The following RGS8 variants were observed in gnomAD, a reference collection of about 807,000 sequenced individuals.
The protein encoded by RGS8 is regulator of G-protein signaling 8.
RGS8 carries 8 observed loss-of-function variants against 21.7 expected under a neutral mutation model. The ratio of observed to expected loss-of-function variants is 0.37; its 90% CI spans 0.22 to 0.66. The LOEUF is 0.66. Among genes scored for constraint, RGS8 ranks in the 30% least tolerant of loss-of-function variants. RGS8 has a pLI of 0.59. For missense variants in RGS8, 157 were observed against 217.9 expected, an observed-to-expected ratio of 0.72 and a Z score of 1.76; for synonymous variants, 80 against 83.6, an observed-to-expected ratio of 0.96 and a Z score of 0.24.
the RGS8 span, among the ~76,000 whole-genome samples, chr1:182,693,357 C>T: frequency 1.3e-5 from 2 of 152,150 alleles, no homozygotes; most frequent in African/African-American, 4.8e-5. Flanking sequence ...GGCTGACAAG[C>T]ATATGAGAAA....
At chr1:182,743,855 T>C in the RGS8 span, among the ~76,000 whole-genome samples, 1 of 152,162 alleles carries the variant, frequency 6.6e-6, no homozygotes, top group East Asian at 1.9e-4. Flanking sequence ...TACATACACA[T>C]ACCCACACAC....
At chr1:182,680,229 C>T (rs1664496121) in intron 1 of RGS8, among the ~76,000 whole-genome samples, 1 of 152,166 alleles carries the variant, frequency 6.6e-6, no homozygotes, top group African/African-American at 2.4e-5. Flanking sequence ...GGATAAAGTT[C>T]CAGCTTAAGA....
At chr1:182,717,239 C>T in the RGS8 span, among the ~76,000 whole-genome samples, 1 of 152,328 alleles carries the variant, frequency 6.6e-6, no homozygotes, top group South Asian at 2.1e-4. Flanking sequence ...ACACTACTTC[C>T]TGTTATAAGA....
At chr1:182,682,192 T>A (rs1193836751) in intron 1 of RGS8, among the ~76,000 whole-genome samples, 1 of 152,214 alleles carries the variant, frequency 6.6e-6, no homozygotes, top group African/African-American at 2.4e-5. Flanking sequence ...AGTCACAAGC[T>A]GGGTTGTGCT....
At chr1:182,661,044 G>GT (rs1215893234) in intron 5 of RGS8, among the ~76,000 whole-genome samples, 111 of 151,792 alleles carry the variant, frequency 7.3e-4, no homozygotes, top group African/African-American at 2.6e-3. Flanking sequence ...TAGATGAATA[G>GT]TTTAAGAAAT....
At chr1:182,740,544 GTTTGTTT>G in the RGS8 span, among the ~76,000 whole-genome samples, 179 of 103,284 alleles carry the variant, frequency 1.7e-3, no homozygotes, top group African/African-American at 4.5e-3. Context: ...TTTTTTGTTT[GTTTGTTT>G]TTTTTTTTTT....
chr1:182,723,923 C>A, the RGS8 span, among the ~76,000 whole-genome samples: 1 of 151,828 alleles, frequency 6.6e-6, no homozygotes, highest in African/African-American at 2.4e-5. Flanking sequence ...AATCGGGCAG[C>A]CCCCAAAACG....
At chr1:182,680,692 T>G (rs912639806) in intron 1 of RGS8, among the ~76,000 whole-genome samples, 1 of 152,218 alleles carries the variant, frequency 6.6e-6, no homozygotes, top group Admixed American at 6.5e-5. Context: ...GTCCCAGGCA[T>G]GGGTACATTA....
At chr1:182,651,758 T>C (rs375039217) in intron 5 of RGS8, among the ~76,000 whole-genome samples, 10 of 152,290 alleles carry the variant, frequency 6.6e-5, no homozygotes, top group Admixed American at 5.2e-4. Context: ...AGATCCCCAC[T>C]GCTTGTAGGA....
downstream of RGS8, chr1:182,645,388 C>G (rs1420725349): frequency 6.6e-6 from 1 of 152,264 alleles, no homozygotes; most frequent in Non-Finnish European, 1.5e-5. Context: ...GCTAAAGGTT[C>G]ATCTCCTGGG....
chr1:182,643,536 ACT>A (rs1415159764), downstream of RGS8: 2 of 151,826 alleles, frequency 1.3e-5, no homozygotes, highest in South Asian at 2.1e-4. Context: ...AGGTCGTGAG[ACT>A]CTGTCTAAGA....
chr1:182,721,541 G>C, the RGS8 span, among the ~76,000 whole-genome samples: 1 of 152,198 alleles, frequency 6.6e-6, no homozygotes, highest in African/African-American at 2.4e-5. Flanking sequence ...CCTAAGAAAA[G>C]AGAGTGCTGC....
the RGS8 span, among the ~76,000 whole-genome samples, chr1:182,746,007 G>A: frequency 1.3e-5 from 2 of 152,114 alleles, no homozygotes; most frequent in Non-Finnish European, 2.9e-5. Flanking sequence ...TTTAGTCCAA[G>A]TTCTGCCCTC....
the RGS8 span, among the ~76,000 whole-genome samples, chr1:182,746,437 C>A: frequency 1.3e-5 from 2 of 152,218 alleles, no homozygotes; most frequent in African/African-American, 4.8e-5. Flanking sequence ...GAGGCCAAGG[C>A]AGACAGATCA....
intron 4 of RGS8, 104 bp from the exon 6 acceptor site, chr1:182,666,137 A>C: frequency 1.1e-6 from 1 of 932,154 alleles, no homozygotes; most frequent in Non-Finnish European, 1.7e-6. Context: ...AAATGTGGGG[A>C]AGGGTGCAGG....
At chr1:182,700,696 C>T in the RGS8 span, among the ~76,000 whole-genome samples, 1 of 152,204 alleles carries the variant, frequency 6.6e-6, no homozygotes, top group African/African-American at 2.4e-5. Flanking sequence ...CAAAACCGAA[C>T]AGCATTTAAA....
the RGS8 span, among the ~76,000 whole-genome samples, chr1:182,720,831 A>G: frequency 1.3e-4 from 19 of 150,728 alleles, no homozygotes; most frequent in Non-Finnish European, 2.4e-4. Context: ...GTATAATTAT[A>G]CATATATATC....
At chr1:182,739,364 G>C in the RGS8 span, among the ~76,000 whole-genome samples, 2 of 152,100 alleles carry the variant, frequency 1.3e-5, no homozygotes, top group Non-Finnish European at 2.9e-5. Context: ...CTGTCATCTG[G>C]GGAAACACTG....
At chr1:182,741,838 C>A in the RGS8 span, among the ~76,000 whole-genome samples, 3 of 133,224 alleles carry the variant, frequency 2.3e-5, no homozygotes, top group Non-Finnish European at 3.3e-5. Context: ...CGGGCAGAGG[C>A]GCCCCTCACC....
Sources: gnomAD v4.1 joint callset for allele counts (sites outside exome capture counted in the v4.1 genomes callset) on GRCh38, gnomAD v4.1.1 for gene constraint, MANE v1.5 for transcripts, NCBI Gene and HGNC (gene_info 2026-07-23, HGNC 2026-07-21) for gene names.